RERE: variants seen among roughly 807,000 people sequenced by gnomAD.
RERE encodes arginine-glutamic acid dipeptide repeats protein.
RERE carries 40 observed loss-of-function variants against 146.1 expected under a neutral mutation model. That is an observed-to-expected ratio of 0.27 (90% CI 0.21 to 0.36). The LOEUF is 0.36. RERE is among the 10% of genes least tolerant of loss of function. The probability of loss-of-function intolerance (pLI) is 1.00; values close to 1 mark genes in which losing one functional copy is unlikely to be tolerated. For missense variants in RERE, 1,933 were observed against 2,138.7 expected (o/e 0.90, Z 1.90); for synonymous variants, 1,003 against 866.0 (o/e 1.16, Z -2.78).
intron 11 of RERE, among the ~76,000 whole-genome samples, chr1:8,437,541 T>A (rs2124488973): frequency 6.6e-6 from 1 of 151,432 alleles, no homozygotes; most frequent in East Asian, 2.0e-4. Context: ...CAAGGGAGGG[T>A]CCCAAGATCA....
At chr1:8,658,764 AAAAGAAAGAAAG>A (rs532783647) in intron 1 of RERE, among the ~76,000 whole-genome samples, 6 of 151,920 alleles carry the variant, frequency 3.9e-5, no homozygotes, top group East Asian at 3.9e-4. Context: ...TCAAAAAAAA[AAAAGAAAGAAAG>A]AAAGAAAGAA....
chr1:8,743,160 C>T (rs1378143005), intron 1 of RERE, among the ~76,000 whole-genome samples: 1 of 152,074 alleles, frequency 6.6e-6, no homozygotes. Context: ...CTTTGGGAGG[C>T]TAACATGGGA....
At chr1:8,779,111 T>C (rs1246783846) in intron 1 of RERE, among the ~76,000 whole-genome samples, 3 of 151,116 alleles carry the variant, frequency 2.0e-5, no homozygotes, top group Non-Finnish European at 4.4e-5. Flanking sequence ...CCTCCCAAAA[T>C]GCTGGGATTA....
chr1:8,771,909 C>CAAA (rs768264978), intron 1 of RERE, among the ~76,000 whole-genome samples: 3 of 59,354 alleles, frequency 5.1e-5, no homozygotes, highest in Admixed American at 1.7e-4. Flanking sequence ...GACTCTGTCT[C>CAAA]AAAAAAAAAA....
intron 10 of RERE, among the ~76,000 whole-genome samples, chr1:8,479,960 C>A (rs1265684900): frequency 1.3e-5 from 2 of 152,066 alleles, no homozygotes; most frequent in Admixed American, 6.5e-5. Context: ...TTGTAGTATG[C>A]TGTAGAATAC....
chr1:8,774,951 C>CTTTTTTTTTTTTTTTTTTTT (rs869173167), intron 1 of RERE, among the ~76,000 whole-genome samples: 3 of 47,940 alleles, frequency 6.3e-5, no homozygotes, highest in Admixed American at 2.8e-4. Flanking sequence ...TTCTTTCTTT[C>CTTTTTTTTTTTTTTTTTTTT]TTTTTTTTTT....
intron 11 of RERE, among the ~76,000 whole-genome samples, chr1:8,440,714 C>T (rs1178218334): frequency 1.4e-5 from 2 of 140,746 alleles, no homozygotes; most frequent in Non-Finnish European, 3.1e-5. Context: ...GGTGAAACCT[C>T]GTCTCTACTA....
intron 1 of RERE, among the ~76,000 whole-genome samples, chr1:8,794,095 G>A (rs1238609466): frequency 2.7e-5 from 4 of 149,094 alleles, no homozygotes; most frequent in African/African-American, 9.9e-5. Context: ...TTTTTTGAGA[G>A]AGAAAAAAAT....
chr1:8,423,804 C>A lies in RERE; in HGVS notation c.1204-997G>T. On this transcript the variant is annotated intron_variant, in intron 11 of 22. Transcript: ENST00000400908. This position sits in a 1 kb window ranked among gnomAD's most constrained non-coding sequence, Gnocchi z 5.4. ...AGGCAGGAGCGCGGCGCGCAGAGCCCGGCGCGGCCGCGGGCGGCTGCAAAA... is the reference window on the plus strand; with the variant it reads ...AGGCAGGAGCGCGGCGCGCAGAGCCAGGCGCGGCCGCGGGCGGCTGCAAAA... 5.0e-6 allele frequency: 3 copies of A among 595,570 alleles called. No individual in the cohort carries two copies. The highest frequency in any genetic ancestry group is 6.3e-6 in the Non-Finnish European group (3 of 476,944). 36.9% of individuals were successfully genotyped at this position (595,570 alleles called of 1,614,324 possible).
At position 8,362,885 on chromosome 1, in the gene RERE, G is replaced by A. The variant is rs770975555; in HGVS notation, c.1741-41C>T. ...GAAGACTGGTGACACCAGATTCCCA[G>A]TCCCCATGTGGACCCACCTGAGCCC... is the stretch of plus-strand genomic sequence containing the variant. On this transcript the variant is annotated intron_variant, in intron 15 of 22. Transcript: ENST00000400908. 8 of 1,582,710 alleles carry A rather than the reference G, an allele frequency of 5.1e-6. No homozygotes were observed. The Admixed American group carries it at 5.1e-5, about 10-fold the overall frequency.
chr1:8,774,297 T>C (rs1026537739), intron 1 of RERE, among the ~76,000 whole-genome samples: 2 of 151,974 alleles, frequency 1.3e-5, no homozygotes, highest in African/African-American at 4.8e-5. Context: ...CTCTGGTTTA[T>C]ACTCACTGCT....
rs777053960 is a variant in RERE at position 8,556,582 on chromosome 1, A to G, written c.629-11T>C. ...GTTCTCTTCCAGAGTCTGTCAAAAAATTAATTAAGACGACATTAAAACTGA... is the reference window on the plus strand; with the variant it reads ...GTTCTCTTCCAGAGTCTGTCAAAAAGTTAATTAAGACGACATTAAAACTGA... On this transcript the variant is annotated splice_polypyrimidine_tract_variant and intron_variant, in intron 5 of 22. Coordinates refer to ENST00000400908, the MANE Select transcript of RERE (RefSeq NM_001042681.2). 1 of 1,517,986 alleles carries G rather than the reference A, an allele frequency of 6.6e-7. No homozygotes were observed. The highest frequency in any genetic ancestry group is 1.1e-5 in the South Asian group (1 of 88,022). 94.0% of individuals were successfully genotyped at this position (1,517,986 alleles called of 1,614,324 possible).
chr1:8,557,099 T>G (rs909753890), intron 5 of RERE, among the ~76,000 whole-genome samples: 7 of 152,000 alleles, frequency 4.6e-5, no homozygotes, highest in Non-Finnish European at 1.0e-4. Context: ...TTTCATTGGT[T>G]TGTTGACTGT....
At chr1:8,523,194 CAAAAA>C (rs1421201765) in intron 7 of RERE, among the ~76,000 whole-genome samples, 1 of 151,676 alleles carries the variant, frequency 6.6e-6, no homozygotes, top group Non-Finnish European at 1.5e-5. Context: ...GAACCTATCT[CAAAAA>C]GAAAAAGAAA....
rs1569853557 is a variant in RERE, at chr1:8,815,519, T to C, written c.-145+1641A>G. Among the ~76,000 whole-genome samples, 9 of 152,092 alleles carry C rather than the reference T, an allele frequency of 5.9e-5. No individual in the cohort carries two copies. In the Middle Eastern group the frequency reaches 0.01, roughly 172 times the overall value. The stretch of plus-strand genomic sequence containing the variant: ...TAAAGAGGGATTTTATCTTTACATA[T>C]ACAAAAAAGAAAGAGCAGCAGAAAC... On this transcript the variant is annotated intron_variant, in intron 1 of 22. Coordinates refer to ENST00000400908, the MANE Select transcript of RERE (RefSeq NM_001042681.2).
chr1:8,415,774 T>C (rs1348785743), intron 12 of RERE, among the ~76,000 whole-genome samples: 1 of 152,318 alleles, frequency 6.6e-6, no homozygotes, highest in East Asian at 1.9e-4. Flanking sequence ...TCACAATTAA[T>C]AGATTCGAGC....
intron 11 of RERE, among the ~76,000 whole-genome samples, chr1:8,454,505 A>T (rs897792223): frequency 1.4e-5 from 2 of 146,634 alleles, no homozygotes; most frequent in Admixed American, 6.8e-5. Context: ...TTTTTAGATT[A>T]AAAAAAAAAA....
At chr1:8,371,852 G>T (rs1642049422) in intron 12 of RERE, among the ~76,000 whole-genome samples, 3 of 152,298 alleles carry the variant, frequency 2.0e-5, no homozygotes, top group African/African-American at 7.2e-5. Context: ...GCTTTATCTT[G>T]GGTAAGTGAT....
At chr1:8,463,320 A>G (rs1644550008) in intron 11 of RERE, among the ~76,000 whole-genome samples, 1 of 152,226 alleles carries the variant, frequency 6.6e-6, no homozygotes, top group Non-Finnish European at 1.5e-5. Flanking sequence ...CAAACCAAGA[A>G]GCAAACATGA....
Sources: gnomAD v4.1 joint callset for allele counts (sites outside exome capture counted in the v4.1 genomes callset) on GRCh38, gnomAD v4.1.1 for gene constraint, Gnocchi (gnomAD v3.1) non-coding constraint, MANE v1.5 for transcripts, NCBI Gene and HGNC (gene_info 2026-07-23, HGNC 2026-07-21) for gene names.